The following ZNF454 variants were observed in gnomAD, a reference collection of about 807,000 sequenced individuals.
ZNF454 encodes the protein zinc finger protein 454.
A neutral mutation model predicts 48.2 loss-of-function variants in ZNF454; 30 were observed. That is an observed-to-expected ratio of 0.62 (90% confidence interval 0.47 to 0.84). The LOEUF (loss-of-function observed/expected upper bound fraction) is 0.84. ZNF454 is among the 40% of genes least tolerant of loss of function. The pLI is 0.00. For missense variants in ZNF454, 510 were observed against 623.1 expected, an observed-to-expected ratio of 0.82 and a Z score of 1.93; for synonymous variants, 204 against 211.4, an observed-to-expected ratio of 0.97 and a Z score of 0.30.
chr5:178,986,722 T>C, the ZNF454 span: 560 of 1,605,032 alleles, frequency 3.5e-4, 5 homozygotes, highest in East Asian at 0.011. Context: ...GGGCACCTCG[T>C]GGGGGTCGCC....
chr5:178,982,576 C>CAAA, the ZNF454 span, among the ~76,000 whole-genome samples: 1 of 20,168 alleles, frequency 5.0e-5, no homozygotes, highest in Non-Finnish European at 7.7e-5. Context: ...GACTCTGTCT[C>CAAA]AAAAAAAAAA....
At position 178,941,331 on chromosome 5, in the gene ZNF454, G is replaced by C. The variant is rs1382029239; in HGVS notation, c.-221G>C. Reference sequence around the variant, plus strand: ...CACGGTGGTCAAAGCCGCAGAGGGAGAGCGGGAGCGGTCGTGAGGTCGTCT... The same window carrying C: ...CACGGTGGTCAAAGCCGCAGAGGGACAGCGGGAGCGGTCGTGAGGTCGTCT... On this transcript the variant is annotated 5_prime_UTR_variant, in exon 1 of 5. Transcript: ENST00000519564. The surrounding 1 kb of genome is among the most constrained non-coding windows in gnomAD (Gnocchi z 5.5). The C allele has an allele frequency of 2.2e-6, 1 of 454,384 alleles. No individual in the cohort carries two copies. Among genetic ancestry groups the C allele is most frequent in the African/African-American group, 2.0e-5 (1 of 50,094 alleles). 28.1% of individuals were successfully genotyped at this position (454,384 alleles called of 1,614,324 possible).
chr5:178,961,540 G>A (rs920757262), intron 4 of ZNF454, among the ~76,000 whole-genome samples: 1 of 151,416 alleles, frequency 6.6e-6, no homozygotes, highest in African/African-American at 2.4e-5. Context: ...TTTTGGCCAG[G>A]TGTGGTGGCT....
chr5:178,986,928 G>A, the ZNF454 span: 1,541 of 1,614,060 alleles, frequency 9.5e-4, 10 homozygotes, highest in African/African-American at 0.016. Flanking sequence ...GGAAGATGTC[G>A]TACCGCCCGG....
At chr5:178,964,607 A>G (rs758608156) in intron 4 of ZNF454, 48 bp from the exon 5 acceptor site, 7 of 1,428,682 alleles carry the variant, frequency 4.9e-6, no homozygotes, top group Non-Finnish European at 6.8e-6. Context: ...CCCCATCCAA[A>G]TGTTTTGCTA....
intron 4 of ZNF454, among the ~76,000 whole-genome samples, chr5:178,962,123 T>A (rs766766430): frequency 1.3e-5 from 2 of 151,754 alleles, no homozygotes; most frequent in African/African-American, 2.4e-5. Flanking sequence ...CAAGTTTAAT[T>A]TTTAGAGATA....
chr5:178,961,644 T>C (rs1156599967), intron 4 of ZNF454, among the ~76,000 whole-genome samples: 1 of 151,322 alleles, frequency 6.6e-6, no homozygotes, highest in African/African-American at 2.4e-5. Context: ...GGTGAAACCC[T>C]GTCTCTAGTA....
the ZNF454 span, among the ~76,000 whole-genome samples, chr5:178,988,601 G>A: frequency 6.6e-6 from 1 of 152,134 alleles, no homozygotes; most frequent in South Asian, 2.1e-4. The surrounding 1 kb of genome is among the most constrained non-coding windows in gnomAD (Gnocchi z 6.0). Flanking sequence ...TGTGCCCCAC[G>A]TGCACCCCCA....
chr5:178,971,961 T>A, the ZNF454 span, among the ~76,000 whole-genome samples: 17,036 of 152,072 alleles, frequency 0.11, 1,129 homozygotes, highest in East Asian at 0.24. Flanking sequence ...TGAGATGGAG[T>A]CTCACTCTGT....
the ZNF454 span, among the ~76,000 whole-genome samples, chr5:178,971,818 T>C: frequency 7.0e-6 from 1 of 143,390 alleles, no homozygotes; most frequent in Non-Finnish European, 1.5e-5. Context: ...GTGGCGCCAC[T>C]GCACTCCAGG....
chr5:178,973,195 T>C, the ZNF454 span, among the ~76,000 whole-genome samples: 1 of 150,818 alleles, frequency 6.6e-6, no homozygotes, highest in African/African-American at 2.4e-5. Flanking sequence ...TCCTTTCCTT[T>C]CTTCTGTCAG....
chr5:178,967,742 C>CTT (rs10694687), downstream of ZNF454, among the ~76,000 whole-genome samples: 3,442 of 129,464 alleles, frequency 0.027, 110 homozygotes, highest in South Asian at 0.073. Flanking sequence ...TTTTCTTTTT[C>CTT]TTTTTTTTTT....
In ZNF454 at chr5:178,941,322, G is replaced by A; in HGVS notation, c.-230G>A. 4.4e-6 allele frequency: 2 copies of A among 451,760 alleles called. No individual in the cohort carries two copies. Among genetic ancestry groups the A allele is most frequent in the Non-Finnish European group, 8.9e-6 (2 of 223,882 alleles). The allele number at this position is 451,760 out of a possible 1,614,324, so 28.0% of individuals were successfully genotyped here. A position where few individuals can be genotyped will look rare whatever the true frequency, so the allele number is the denominator to read the frequency against. ...CTGACCAGGCACGGTGGTCAAAGCC[G>A]CAGAGGGAGAGCGGGAGCGGTCGTG... On this transcript the variant is annotated 5_prime_UTR_variant, in exon 1 of 5. Transcript: ENST00000519564. This position sits in a 1 kb window ranked among gnomAD's most constrained non-coding sequence, Gnocchi z 5.5.
Position 178,946,628 on chromosome 5 carries a change from C to T in ZNF454, c.160+143C>T. 1 of 1,208,348 alleles carries T rather than the reference C, an allele frequency of 8.3e-7. No individual in the cohort carries two copies. Among genetic ancestry groups the T allele is most frequent in the Admixed American group, 2.9e-5 (1 of 35,064 alleles). 74.9% of individuals were successfully genotyped at this position (1,208,348 alleles called of 1,614,324 possible). On this transcript the variant is annotated intron_variant, in intron 3 of 4. Transcript: ENST00000519564. The surrounding 1 kb of genome is among the most constrained non-coding windows in gnomAD (Gnocchi z 4.5). ...CATTAATTTTACCTGTCCTTGGTGT[C>T]CTGGGCACAGGCCTCTTTTGGAGTC... is the stretch of plus-strand genomic sequence containing the variant.
intron 4 of ZNF454, among the ~76,000 whole-genome samples, chr5:178,950,832 G>A (rs1759525497): frequency 6.7e-6 from 1 of 150,166 alleles, no homozygotes; most frequent in Admixed American, 6.6e-5. Flanking sequence ...AAATTTGCTT[G>A]GAATTTTCTT....
At chr5:178,945,224 GTC>G in intron 2 of ZNF454, among the ~76,000 whole-genome samples, 1 of 151,682 alleles carries the variant, frequency 6.6e-6, no homozygotes, top group South Asian at 2.1e-4. Flanking sequence ...TTGTGTGTGT[GTC>G]TCTGTGTGTG....
chr5:178,969,533 C>T (rs780825661), downstream of ZNF454: 2 of 457,024 alleles, frequency 4.4e-6, no homozygotes, highest in South Asian at 3.1e-5. Context: ...TCTTCAGGGA[C>T]AGACTTGGCC....
chr5:178,989,482 C>G, the ZNF454 span: 5 of 1,587,542 alleles, frequency 3.1e-6, no homozygotes, highest in Non-Finnish European at 4.3e-6. Flanking sequence ...CTGCCACTTG[C>G]TCACTTTCAG....
chr5:178,988,980 C>T, the ZNF454 span: 11 of 1,613,916 alleles, frequency 6.8e-6, no homozygotes, highest in South Asian at 2.2e-5. The surrounding 1 kb of genome is among the most constrained non-coding windows in gnomAD (Gnocchi z 6.0). Context: ...ATCCGCCCAT[C>T]AGTGGGTTCC....
Sources: allele counts gnomAD v4.1 joint callset (sites outside exome capture counted in the v4.1 genomes callset), GRCh38; gene constraint gnomAD v4.1.1; non-coding constraint Gnocchi (gnomAD v3.1); transcripts MANE v1.5; gene names NCBI Gene and HGNC (gene_info 2026-07-23, HGNC 2026-07-21).